Variants in TMEM59L observed in about 807,000 individuals in gnomAD.
The protein encoded by TMEM59L is transmembrane protein 59 like.
A neutral mutation model predicts 39.6 loss-of-function variants in TMEM59L; 31 were observed. The ratio of observed to expected loss-of-function variants is 0.78; its 90% confidence interval spans 0.59 to 1.06. TMEM59L has a LOEUF of 1.06. TMEM59L is among the 50% of genes least tolerant of loss of function. The pLI, the probability that TMEM59L is intolerant of heterozygous loss-of-function variation, is 0.00. For missense variants in TMEM59L, 441 were observed against 451.3 expected (o/e 0.98, Z 0.21); for synonymous variants, 219 against 202.9 (o/e 1.08, Z -0.68).
In TMEM59L at chr19:18,618,386, T is replaced by A; in HGVS notation, c.794T>A (p.Leu265Gln). Reference protein sequence around the residue: ...FLSCMSRRSGLPRWILACCLF... With the variant: ...FLSCMSRRSGQPRWILACCLF... ...GCCGGGCGGGGCAGGCGCTCGGGTC[T>A]GCCTCGCTGGATCCTGGCCTGCTGC... Residue 265 changes from leucine to glutamine, a missense_variant, in exon 7 of 8, where the codon CTG (leucine) becomes CAG (glutamine). Transcript: ENST00000262817. 2 of 1,605,218 alleles carry A rather than the reference T, an allele frequency of 1.2e-6. No homozygotes were observed. Among genetic ancestry groups the A allele is most frequent in the Non-Finnish European group, 1.7e-6 (2 of 1,178,478 alleles).
intron 7 of TMEM59L, 92 bp from the exon 8 acceptor site, chr19:18,620,316 T>A: frequency 1.5e-6 from 2 of 1,311,220 alleles, no homozygotes; most frequent in Non-Finnish European, 2.1e-6. Flanking sequence ...AGAAAAAAAA[T>A]AAAACAATCA....
intron 7 of TMEM59L, among the ~76,000 whole-genome samples, chr19:18,619,836 G>C (rs1197717832): frequency 6.6e-6 from 1 of 150,820 alleles, no homozygotes; most frequent in Non-Finnish European, 1.5e-5. Context: ...AAATTAGCTA[G>C]ACGTGGAGGT....
At chr19:18,613,264 A>C in intron 1 of TMEM59L, 135 bp downstream of exon 1, 1 of 868,402 alleles carries the variant, frequency 1.2e-6, no homozygotes, top group Non-Finnish European at 1.5e-6. Flanking sequence ...GGGGTCGGGA[A>C]TGGGGAGATC....
At chr19:18,619,513 A>T (rs537951171) in intron 7 of TMEM59L, among the ~76,000 whole-genome samples, 4 of 152,296 alleles carry the variant, frequency 2.6e-5, no homozygotes, top group African/African-American at 9.6e-5. Flanking sequence ...TTTAAAAATT[A>T]GCTAGATGTG....
intron 4 of TMEM59L, 119 bp from the exon 5 acceptor site, chr19:18,616,879 CCT>C: frequency 4.1e-6 from 3 of 737,320 alleles, no homozygotes; most frequent in Non-Finnish European, 6.9e-6. Flanking sequence ...CAAGCCCACC[CCT>C]GATACCCAGG....
At chr19:18,613,256 G>A (rs1976390125) in intron 1 of TMEM59L, 127 bp downstream of exon 1, 3 of 1,018,550 alleles carry the variant, frequency 2.9e-6, no homozygotes, top group Non-Finnish European at 3.8e-6. Context: ...GGGAGGTGGG[G>A]GTCGGGAATG....
chr19:18,620,454 G>C lies in TMEM59L; in HGVS notation c.947G>C (p.Trp316Ser), dbSNP rs1976483477. 4 of 1,613,586 alleles carry C rather than the reference G, an allele frequency of 2.5e-6. No individual in the cohort carries two copies. The highest frequency in any genetic ancestry group is 2.5e-6 in the Non-Finnish European group (3 of 1,179,968). ...AAGGGCTTCATGATGGAGCCCGATT[G>C]GCCCCTGTACCCGCCGCCGTCCCAC... is the stretch of plus-strand genomic sequence containing the variant. ...QHKGFMMEPD[W>S]PLYPPPSHAC... is the part of the protein sequence containing the mutation. The change falls in exon 8 of 8, where the codon TGG becomes TCG. Residue 316 changes from tryptophan (W) to serine (S), a missense_variant. Coordinates refer to ENST00000262817, the MANE Select transcript of TMEM59L (RefSeq NM_012109.3).
At position 18,612,992 on chromosome 19, in the gene TMEM59L, C is replaced by T; in HGVS notation, c.34C>T (p.Leu12=). The change falls in exon 1 of 8, where the codon CTG becomes TTG. Residue 12 remains leucine, a synonymous_variant. Coordinates refer to ENST00000262817, the MANE Select transcript of TMEM59L (RefSeq NM_012109.3). The surrounding 1 kb of genome is among the most constrained non-coding windows in gnomAD (Gnocchi z 6.2). ...AAVALMPPPL[L]LLLLLASPPA... is the part of the protein sequence containing the mutation. The stretch of plus-strand genomic sequence containing the variant: ...GGTGGCGCTGATGCCACCGCCGCTG[C>T]TGCTGCTGCTGCTGTTGGCGTCGCC... 3.7e-6 allele frequency: 5 copies of T among 1,368,796 alleles called. No homozygotes were observed. The highest frequency in any genetic ancestry group is 4.7e-6 in the Non-Finnish European group (5 of 1,064,418). 84.8% of individuals were successfully genotyped at this position (1,368,796 alleles called of 1,614,324 possible).
rs1976384264 is a variant in TMEM59L at position 18,612,881 on chromosome 19, G to A, written c.-78G>A. The A allele has an allele frequency of 1.7e-6, 2 of 1,180,502 alleles. No individual in the cohort carries two copies. Among genetic ancestry groups the A allele is most frequent in the Non-Finnish European group, 2.1e-6 (2 of 941,660 alleles). 73.1% of individuals were successfully genotyped at this position (1,180,502 alleles called of 1,614,324 possible). ...CTCGCTCGGGTGACGTCAGCGCCCC[G>A]GTCCCCGCCGCAGCCGCTGCATCCT... On this transcript the variant is annotated 5_prime_UTR_variant, in exon 1 of 8. Transcript: ENST00000262817. This position sits in a 1 kb window ranked among gnomAD's most constrained non-coding sequence, Gnocchi z 6.2.
intron 5 of TMEM59L, 64 bp from the exon 6 acceptor site, chr19:18,618,091 G>A (rs545943385): frequency 2.3e-6 from 3 of 1,289,882 alleles, no homozygotes; most frequent in Non-Finnish European, 3.4e-6. Context: ...CTCCCTCCTG[G>A]TCATGGTTAT....
Position 18,617,033 on chromosome 19 carries a change from G to T in TMEM59L, c.595G>T (p.Gly199Trp), listed in dbSNP as rs756450402. The T allele has an allele frequency of 1.2e-6, 2 of 1,612,924 alleles. No homozygotes were observed. Among genetic ancestry groups the T allele is most frequent in the Admixed American group, 1.7e-5 (1 of 59,998 alleles). Reference protein sequence around the residue: ...QPIVESLGFQGGRLQRVEVTW... With the variant: ...QPIVESLGFQWGRLQRVEVTW... ...CATAGTGGAGAGCCTCGGCTTCCAG[G>T]GGGGCCGTCTGCAGCGCGTGGAGGT... The change falls in exon 5 of 8, where the codon GGG becomes TGG. Residue 199 changes from glycine (G) to tryptophan (W), a missense_variant. Gly to Trp is a radical substitution (Grantham distance 184). Transcript: ENST00000262817.
intron 5 of TMEM59L, chr19:18,617,592 C>T: frequency 2.2e-6 from 1 of 453,792 alleles, no homozygotes; most frequent in Non-Finnish European, 4.4e-6. Context: ...CTAGGGTCAT[C>T]TCCTAGGGTC....
chr19:18,618,431 T>G lies in TMEM59L; in HGVS notation c.839T>G (p.Val280Gly), dbSNP rs971152419. 6.2e-7 allele frequency: 1 copy of G among 1,608,278 alleles called. No individual in the cohort carries two copies. Among genetic ancestry groups the G allele is most frequent in the Non-Finnish European group, 8.5e-7 (1 of 1,179,190 alleles). The change falls in exon 7 of 8, where the codon GTG (valine) becomes GGG (glycine). Residue 280 changes from valine to glycine, a missense_variant. Val to Gly is a moderately radical substitution (Grantham distance 109, BLOSUM62 -3). Coordinates refer to ENST00000262817, the MANE Select transcript of TMEM59L (RefSeq NM_012109.3). ...TGCTGCCTCTTCCTCTCCGTGCTGG[T>G]GATGCTGTGGCTGAGCTGCTCCACC... Reference protein sequence around the residue: ...LACCLFLSVLVMLWLSCSTLV... With the variant: ...LACCLFLSVLGMLWLSCSTLV...
At chr19:18,613,216 C>T in intron 1 of TMEM59L, 87 bp downstream of exon 1, 2 of 1,215,630 alleles carry the variant, frequency 1.6e-6, no homozygotes, top group South Asian at 7.7e-5. Flanking sequence ...TCTTGGATGA[C>T]AGCAGGAGAC....
chr19:18,620,295 C>CCA (rs1976480954), intron 7 of TMEM59L, 113 bp from the exon 8 acceptor site: 1 of 1,101,928 alleles, frequency 9.1e-7, no homozygotes. Flanking sequence ...GAGAGAGACT[C>CCA]TCTCAAAAAA....
chr19:18,618,237 G>T lies in TMEM59L; in HGVS notation c.747G>T (p.Glu249Asp). The change falls in exon 6 of 8, where the codon GAG (glutamate) becomes GAT (aspartate). Residue 249 changes from glutamate to aspartate, a missense_variant. Glu to Asp is a conservative substitution (Grantham distance 45). Transcript: ENST00000262817. ...TSSKAKVESE[E>D]PQDNDFLSCM... ...GCAAGGCCAAGGTGGAGTCTGAAGA[G>T]CCACAGGACAATGACTTCCTCAGTT... 7.0e-7 allele frequency: 1 copy of T among 1,431,878 alleles called. No homozygotes were observed. The highest frequency in any genetic ancestry group is 3.5e-5 in the East Asian group (1 of 28,394). 88.7% of individuals were successfully genotyped at this position (1,431,878 alleles called of 1,614,324 possible). A position where few individuals can be genotyped will look rare whatever the true frequency, so the allele number is the denominator to read the frequency against.
chr19:18,618,065 C>T lies in TMEM59L; in HGVS notation c.665-90C>T, dbSNP rs1976450411. ...TGATCTCCATTCCAGGACTCTATGCCCCAGGTCCTGACCTCCTCCCTCCTG... is the reference window on the plus strand; with the variant it reads ...TGATCTCCATTCCAGGACTCTATGCTCCAGGTCCTGACCTCCTCCCTCCTG... On this transcript the variant is annotated intron_variant, in intron 5 of 7. Coordinates refer to ENST00000262817, the MANE Select transcript of TMEM59L (RefSeq NM_012109.3). 4.2e-6 allele frequency: 4 copies of T among 946,246 alleles called. No individual in the cohort carries two copies. The Admixed American group carries it at 7.1e-5, about 17-fold the overall frequency. The allele number at this position is 946,246 out of a possible 1,614,324, so 58.6% of individuals were successfully genotyped here.
At position 18,615,969 on chromosome 19, in the gene TMEM59L, C is replaced by T. The variant is rs1263897992; in HGVS notation, c.409-6C>T. On this transcript the variant is annotated splice_region_variant and splice_polypyrimidine_tract_variant and intron_variant, in intron 3 of 7. Coordinates refer to ENST00000262817, the MANE Select transcript of TMEM59L (RefSeq NM_012109.3). ...CATCTTTGTGTCTTGGACCTTTTTT[C>T]ACCAGAGAAAGGTCCTGGAGGCTCC... is the stretch of plus-strand genomic sequence containing the variant. The T allele has an allele frequency of 6.2e-7, 1 of 1,611,130 alleles. No homozygotes were observed. The highest frequency in any genetic ancestry group is 1.1e-5 in the South Asian group (1 of 90,650).
intron 2 of TMEM59L, 34 bp downstream of exon 2, chr19:18,614,050 G>C (rs373373848): frequency 6.2e-7 from 1 of 1,613,064 alleles, no homozygotes; most frequent in African/African-American, 1.3e-5. Context: ...GCCAGCGTGG[G>C]GAGAGGTGGC....
Sources: allele counts gnomAD v4.1 joint callset (sites outside exome capture counted in the v4.1 genomes callset), GRCh38; gene constraint gnomAD v4.1.1; non-coding constraint Gnocchi (gnomAD v3.1); transcripts MANE v1.5; gene names NCBI Gene and HGNC (gene_info 2026-07-23, HGNC 2026-07-21).